ANKFN1: variants seen among roughly 807,000 people sequenced by gnomAD.
ANKFN1 encodes the protein ankyrin repeat and fibronectin type-III domain-containing protein 1.
In ANKFN1, 74 loss-of-function variants were observed where a neutral mutation model predicts 108.7. The ratio of observed to expected loss-of-function variants is 0.68; its 90% CI spans 0.56 to 0.83. The LOEUF (loss-of-function observed/expected upper bound fraction) is 0.83. ANKFN1 is among the 40% of genes least tolerant of loss of function. The pLI, the probability that ANKFN1 is intolerant of heterozygous loss-of-function variation, is 0.00. For missense variants in ANKFN1, 1,505 were observed against 1,382.3 expected (o/e 1.09, Z -1.41); for synonymous variants, 547 against 516.2 (o/e 1.06, Z -0.81).
chr17:56,062,559 C>CTTTTTTTTTTTT (rs3085080), intron 4 of ANKFN1, among the ~76,000 whole-genome samples: 3 of 134,512 alleles, frequency 2.2e-5, no homozygotes, highest in Non-Finnish European at 3.1e-5. Flanking sequence ...GTAATCTCTG[C>CTTTTTTTTTTTT]TTTTTTTTTT....
In ANKFN1 at chr17:56,511,197, CA is replaced by C; in HGVS notation, c.3370del (p.Thr1124LeufsTer5). The C allele has an allele frequency of 1.3e-6, 2 of 1,535,892 alleles. No homozygotes were observed. Among genetic ancestry groups the C allele is most frequent in the Non-Finnish European group, 1.7e-6 (2 of 1,146,820 alleles). ...GAGGCCGCATCACCCTGCCCAGCCC[CA>C]CTGGCCCCGATGTGAGTCAGGAGGG... ...SGGRITLPSP[T>X]GPDVSQEGPT... On this transcript the variant is annotated frameshift_variant, in exon 21 of 21. Coordinates refer to ENST00000682825, the MANE Select transcript of ANKFN1 (RefSeq NM_001370326.1). LOFTEE classifies it high-confidence loss of function.
chr17:56,263,103 C>T (rs1455022272), intron 3 of ANKFN1, among the ~76,000 whole-genome samples: 2 of 152,202 alleles, frequency 1.3e-5, no homozygotes, highest in African/African-American at 2.4e-5. Flanking sequence ...TTAGGCCCTA[C>T]AGTGGGGCCA....
chr17:56,397,093 TAA>T (rs1184633042), intron 8 of ANKFN1, among the ~76,000 whole-genome samples: 3 of 151,938 alleles, frequency 2.0e-5, no homozygotes, highest in Admixed American at 6.6e-5. Flanking sequence ...TATAAAATTA[TAA>T]AGTTAATTTT....
chr17:56,170,774 T>TTTTA (rs1555604529), intron 1 of ANKFN1, among the ~76,000 whole-genome samples: 2 of 68,096 alleles, frequency 2.9e-5, no homozygotes, highest in Non-Finnish European at 4.9e-5. Flanking sequence ...AAAAAATTTT[T>TTTTA]TATATATATA....
chr17:56,318,775 G>T (rs1315534185), intron 3 of ANKFN1, among the ~76,000 whole-genome samples: 1 of 152,152 alleles, frequency 6.6e-6, no homozygotes, highest in African/African-American at 2.4e-5. Context: ...CAACGTCTTA[G>T]TTCTGAGTTA....
At chr17:56,207,724 G>A (rs570284871) in intron 1 of ANKFN1, among the ~76,000 whole-genome samples, 7 of 152,024 alleles carry the variant, frequency 4.6e-5, no homozygotes, top group South Asian at 2.1e-4. Flanking sequence ...TAATACCCTC[G>A]CTGGATCATA....
At chr17:56,467,743 C>CAAAGAAAGAAAG (rs759980897) in intron 15 of ANKFN1, among the ~76,000 whole-genome samples, 125 of 72,610 alleles carry the variant, frequency 1.7e-3, no homozygotes, top group South Asian at 7.8e-3. Flanking sequence ...AAGAAAGAAA[C>CAAAGAAAGAAAG]AAAGAAAGAA....
At chr17:56,151,348 C>T (rs1908592909), upstream of ANKFN1, among the ~76,000 whole-genome samples, 1 of 152,182 alleles carries the variant, frequency 6.6e-6, no homozygotes, top group Admixed American at 6.5e-5. Context: ...AGAAGGGAAT[C>T]TGGGTCCAGA....
intron 15 of ANKFN1, 38 bp downstream of exon 15, chr17:56,466,609 G>T: frequency 6.5e-7 from 1 of 1,533,290 alleles, no homozygotes; most frequent in South Asian, 1.2e-5. Context: ...GTATACTTAA[G>T]GTTCCAAACC....
At chr17:56,180,348 G>A (rs1911573941) in intron 1 of ANKFN1, among the ~76,000 whole-genome samples, 1 of 152,196 alleles carries the variant, frequency 6.6e-6, no homozygotes, top group African/African-American at 2.4e-5. Context: ...TTATGGCTGT[G>A]TAAGGGTACT....
intron 4 of ANKFN1, among the ~76,000 whole-genome samples, chr17:56,343,692 G>A (rs1294885431): frequency 2.0e-5 from 3 of 151,502 alleles, no homozygotes; most frequent in Non-Finnish European, 2.9e-5. Context: ...TTCTTCTCCT[G>A]GGACTCCTAT....
intron 1 of ANKFN1, among the ~76,000 whole-genome samples, chr17:56,156,076 CTTTT>C (rs529958919): frequency 7.3e-6 from 1 of 136,488 alleles, no homozygotes; most frequent in Admixed American, 7.4e-5. Context: ...CTCTCTCACT[CTTTT>C]TTTTTTTTTT....
intron 1 of ANKFN1, among the ~76,000 whole-genome samples, chr17:56,188,577 G>GTATATATATATATA (rs1433162811): frequency 1.7e-4 from 14 of 80,748 alleles, no homozygotes; most frequent in Non-Finnish European, 2.2e-4. Flanking sequence ...GTGTGTGTGT[G>GTATATATATATATA]TGTGTATATA....
At chr17:56,249,533 C>T (rs2043190028) in intron 3 of ANKFN1, among the ~76,000 whole-genome samples, 1 of 151,858 alleles carries the variant, frequency 6.6e-6, no homozygotes, top group Non-Finnish European at 1.5e-5. Flanking sequence ...ACTTGATAAA[C>T]TCATTTGAAA....
At chr17:56,072,666 CT>C (rs1905133997) in intron 4 of ANKFN1, among the ~76,000 whole-genome samples, 2 of 152,192 alleles carry the variant, frequency 1.3e-5, no homozygotes, top group African/African-American at 4.8e-5. Flanking sequence ...GCAGCTTTCT[CT>C]TCGGTAACTC....
At chr17:56,399,706 C>G (rs1443065514) in intron 8 of ANKFN1, among the ~76,000 whole-genome samples, 1 of 151,828 alleles carries the variant, frequency 6.6e-6, no homozygotes. Flanking sequence ...TTTGCTCCCA[C>G]TTATCAGTGA....
chr17:56,369,669 C>T (rs910140524), intron 6 of ANKFN1, among the ~76,000 whole-genome samples: 1 of 152,106 alleles, frequency 6.6e-6, no homozygotes, highest in African/African-American at 2.4e-5. Context: ...TAGGGAGAAA[C>T]ATGATCACTT....
chr17:56,228,139 T>G (rs1016484752), intron 3 of ANKFN1, 182 bp downstream of exon 3: 15 of 530,850 alleles, frequency 2.8e-5, no homozygotes, highest in Non-Finnish European at 4.2e-5. Flanking sequence ...AGAAACCAAT[T>G]TGGAAGCAGA....
intron 3 of ANKFN1, among the ~76,000 whole-genome samples, chr17:56,306,287 A>G (rs1391489808): frequency 6.6e-6 from 1 of 152,196 alleles, no homozygotes; most frequent in Non-Finnish European, 1.5e-5. Flanking sequence ...TAATCCATGA[A>G]CACAGTATGT....
Sources: gnomAD v4.1 joint callset for allele counts (sites outside exome capture counted in the v4.1 genomes callset) on GRCh38, gnomAD v4.1.1 for gene constraint, MANE v1.5 for transcripts, NCBI Gene and HGNC (gene_info 2026-07-23, HGNC 2026-07-21) for gene names.